The following KRT86 variants were observed in gnomAD, a reference collection of about 807,000 sequenced individuals.
KRT86 encodes keratin 86, also known as keratin, type II cuticular Hb6.
Under a neutral mutation model 41.2 loss-of-function variants are expected in KRT86, and 30 were observed. The ratio of observed to expected loss-of-function variants is 0.73; its 90% CI spans 0.54 to 0.99. The LOEUF is 0.99. Ranked by LOEUF, KRT86 falls within the 50% of genes least tolerant of loss-of-function variation. The pLI is 0.00. For missense variants in KRT86, 561 were observed against 571.4 expected (o/e 0.98, Z 0.19); for synonymous variants, 238 against 238.1 (o/e 1.00, Z 0.00).
At chr12:52,276,081 C>A in intron 2 of KRT86, 135 bp downstream of exon 2, 1 of 909,526 alleles carries the variant, frequency 1.1e-6, no homozygotes, top group Non-Finnish European at 1.3e-6. Flanking sequence ...AAGCATACAG[C>A]AGTGCAGCTG....
At chr12:52,284,988 C>G (rs1592419995) in intron 2 of KRT86, among the ~76,000 whole-genome samples, 1 of 152,344 alleles carries the variant, frequency 6.6e-6, no homozygotes, top group East Asian at 1.9e-4. Context: ...ATAAGAGGCC[C>G]TGATCCCTAG....
chr12:52,286,175 G>C lies in KRT86; in HGVS notation c.-5+10229G>C, dbSNP rs1937921654. 7 of 1,158,998 alleles carry C rather than the reference G, an allele frequency of 6.0e-6. No individual in the cohort carries two copies. The South Asian group carries it at 9.2e-5, about 15-fold the overall frequency. The allele number at this position is 1,158,998 out of a possible 1,614,324, so 71.8% of individuals were successfully genotyped here. The stretch of plus-strand genomic sequence containing the variant: ...GTGCAGGAGAAGTAGCTGAGCACTT[G>C]CTCCAGGCGCCTGGACTGGATGGGC... On this transcript the variant is annotated intron_variant, in intron 2 of 10. Coordinates refer to ENST00000423955, the MANE Select transcript of KRT86 (RefSeq NM_001320198.2).
At chr12:52,282,003 A>C (rs1005801284) in intron 2 of KRT86, among the ~76,000 whole-genome samples, 1 of 152,012 alleles carries the variant, frequency 6.6e-6, no homozygotes, top group Non-Finnish European at 1.5e-5. Flanking sequence ...AGCCTCCCAA[A>C]GTGCTGGGAT....
At chr12:52,276,887 C>A (rs181970904) in intron 2 of KRT86, among the ~76,000 whole-genome samples, 371 of 152,310 alleles carry the variant, frequency 2.4e-3, no homozygotes, top group African/African-American at 8.5e-3. Flanking sequence ...TTGCTTTCTG[C>A]AGATGCAAGT....
At chr12:52,288,235 C>T in intron 2 of KRT86, 3 of 1,594,786 alleles carry the variant, frequency 1.9e-6, no homozygotes, top group Non-Finnish European at 2.6e-6. Flanking sequence ...TTTCTCTGGT[C>T]CCCAACCCTG....
At chr12:52,281,262 A>G (rs148391980) in intron 2 of KRT86, among the ~76,000 whole-genome samples, 3 of 152,334 alleles carry the variant, frequency 2.0e-5, no homozygotes, top group Admixed American at 6.5e-5. Flanking sequence ...GCAGAAGGGC[A>G]CTATAAGGTG....
At chr12:52,277,999 A>T (rs1937674038) in intron 2 of KRT86, among the ~76,000 whole-genome samples, 1 of 152,188 alleles carries the variant, frequency 6.6e-6, no homozygotes, top group African/African-American at 2.4e-5. Flanking sequence ...GTCCATGGAG[A>T]CAGCTGCAGG....
At chr12:52,287,815 C>T in intron 2 of KRT86, 11 of 1,608,706 alleles carry the variant, frequency 6.8e-6, no homozygotes, top group Non-Finnish European at 8.5e-6. Context: ...CAGTGCTCAG[C>T]CTGTGCAGCC....
intron 2 of KRT86, chr12:52,285,911 G>T: frequency 2.7e-6 from 1 of 375,226 alleles, no homozygotes; most frequent in South Asian, 2.4e-5. Context: ...ACAAGACCCA[G>T]GTTGGCTACA....
intron 9 of KRT86, 24 bp from the exon 10 acceptor site, chr12:52,308,209 A>T (rs1248112997): frequency 6.2e-7 from 1 of 1,613,808 alleles, no homozygotes; most frequent in Non-Finnish European, 8.5e-7. Flanking sequence ...CGCGGCACTG[A>T]CCTCTCGCCT....
chr12:52,295,522 C>T (rs1350494920), intron 2 of KRT86, among the ~76,000 whole-genome samples: 1 of 152,192 alleles, frequency 6.6e-6, no homozygotes, highest in Non-Finnish European at 1.5e-5. Context: ...CACAAACACT[C>T]ATCTTGCCCC....
intron 2 of KRT86, among the ~76,000 whole-genome samples, chr12:52,282,255 C>G (rs1411639142): frequency 7.8e-6 from 1 of 128,312 alleles, no homozygotes; most frequent in African/African-American, 2.7e-5. Context: ...TTTTTTGAGA[C>G]AAAGCCTTGC....
chr12:52,304,912 A>G lies in KRT86; in HGVS notation c.640-20A>G. ...TGGATCACCAGGGTCCTTGAGCTCCAACACTCCCCACCTTTCCAGGATGTG... is the reference window on the plus strand; with the variant it reads ...TGGATCACCAGGGTCCTTGAGCTCCGACACTCCCCACCTTTCCAGGATGTG... On this transcript the variant is annotated intron_variant, in intron 5 of 10. Transcript: ENST00000423955. 2 of 1,613,776 alleles carry G rather than the reference A, an allele frequency of 1.2e-6. No homozygotes were observed. Among genetic ancestry groups the G allele is most frequent in the Middle Eastern group, 1.6e-4 (1 of 6,062 alleles).
At chr12:52,284,020 A>G (rs1937845144) in intron 2 of KRT86, among the ~76,000 whole-genome samples, 1 of 152,104 alleles carries the variant, frequency 6.6e-6, no homozygotes, top group Non-Finnish European at 1.5e-5. Context: ...AGGGAGAGTG[A>G]GGGAGTGAAA....
chr12:52,282,194 C>T (rs889747029), intron 2 of KRT86, among the ~76,000 whole-genome samples: 1 of 151,806 alleles, frequency 6.6e-6, no homozygotes, highest in Non-Finnish European at 1.5e-5. Flanking sequence ...TATTATTTCA[C>T]TTACTGGAAT....
chr12:52,299,055 T>C (rs1262050099), intron 2 of KRT86, among the ~76,000 whole-genome samples: 1 of 152,212 alleles, frequency 6.6e-6, no homozygotes, highest in East Asian at 1.9e-4. Flanking sequence ...CTCATTTCTG[T>C]TATCTAACTG....
intron 2 of KRT86, among the ~76,000 whole-genome samples, chr12:52,296,623 C>T (rs1212008744): frequency 6.6e-6 from 1 of 151,648 alleles, no homozygotes; most frequent in African/African-American, 2.4e-5. Flanking sequence ...TGGCCAGCGT[C>T]CTGGGCTCTC....
Position 52,308,775 on chromosome 12 carries a change from C to T in KRT86, c.*190C>T, listed in dbSNP as rs918761977. The T allele has an allele frequency of 1.7e-6, 1 of 601,384 alleles. No homozygotes were observed. The highest frequency in any genetic ancestry group is 3.0e-5 in the Admixed American group (1 of 33,836). The allele number at this position is 601,384 out of a possible 1,614,324, so 37.3% of individuals were successfully genotyped here. On this transcript the variant is annotated 3_prime_UTR_variant, in exon 11 of 11. Transcript: ENST00000423955. ...CAGGAGTCCGGGGAGGGCCGGGAGGCGCCATGGTCTCTCTCTGTAGCCTTT... is the reference window on the plus strand; with the variant it reads ...CAGGAGTCCGGGGAGGGCCGGGAGGTGCCATGGTCTCTCTCTGTAGCCTTT...
Position 52,302,129 on chromosome 12 carries a change from C to A in KRT86, c.213C>A (p.Cys71Ter). Residue 71 changes from cysteine to a stop codon, truncating the protein, a stop_gained, in exon 3 of 11, where the codon TGC (cysteine) becomes TGA (stop). Coordinates refer to ENST00000423955, the MANE Select transcript of KRT86 (RefSeq NM_001320198.2). LOFTEE classifies it high-confidence loss of function. The stretch of plus-strand genomic sequence containing the variant: ...TCGGCTACCGCTCCGGGGGCGTGTG[C>A]GGGCCCAGTCCCCCATGCATCACCA... ...RSFGYRSGGV[C>*]GPSPPCITTV... The A allele has an allele frequency of 2.6e-6, 4 of 1,532,464 alleles. No individual in the cohort carries two copies. Among genetic ancestry groups the A allele is most frequent in the Non-Finnish European group, 3.5e-6 (4 of 1,135,602 alleles). The allele number at this position is 1,532,464 out of a possible 1,614,324, so 94.9% of individuals were successfully genotyped here.
Sources: gnomAD v4.1 joint callset for allele counts (sites outside exome capture counted in the v4.1 genomes callset) on GRCh38, gnomAD v4.1.1 for gene constraint, MANE v1.5 for transcripts, NCBI Gene and HGNC (gene_info 2026-07-23, HGNC 2026-07-21) for gene names.